The following OSBPL10 variants were observed in gnomAD, a reference collection of about 807,000 sequenced individuals.
OSBPL10 encodes oxysterol binding protein like 10.
In OSBPL10, 49 loss-of-function variants were observed where a neutral mutation model predicts 81.7. That is an observed-to-expected ratio of 0.60 (90% confidence interval 0.48 to 0.76). OSBPL10 has a LOEUF of 0.76. Among genes scored for constraint, OSBPL10 ranks in the 30% least tolerant of loss-of-function variants. The pLI is 0.00. For missense variants in OSBPL10, 923 were observed against 987.8 expected, an observed-to-expected ratio of 0.93 and a Z score of 0.88; for synonymous variants, 419 against 383.6, an observed-to-expected ratio of 1.09 and a Z score of -1.08.
At chr3:31,800,744 T>C (rs541341318) in intron 4 of OSBPL10, among the ~76,000 whole-genome samples, 1 of 151,464 alleles carries the variant, frequency 6.6e-6, no homozygotes, top group South Asian at 2.1e-4. Context: ...TTATGGTACA[T>C]ACTTAAATTT....
intron 4 of OSBPL10, among the ~76,000 whole-genome samples, chr3:31,823,591 G>A (rs1700030677): frequency 6.6e-6 from 1 of 152,064 alleles, no homozygotes; most frequent in Non-Finnish European, 1.5e-5. Flanking sequence ...CAGGCAAGGA[G>A]CAATAAATAA....
intron 1 of OSBPL10, among the ~76,000 whole-genome samples, chr3:31,965,450 AATAT>A (rs1698304379): frequency 1.4e-5 from 1 of 72,164 alleles, no homozygotes; most frequent in Non-Finnish European, 2.1e-5. Context: ...TATATTATAT[AATAT>A]ATAATTTATA....
At chr3:31,679,255 C>T (rs1700574695) in intron 8 of OSBPL10, among the ~76,000 whole-genome samples, 1 of 152,190 alleles carries the variant, frequency 6.6e-6, no homozygotes, top group Non-Finnish European at 1.5e-5. Context: ...ATTGCAACCT[C>T]CCTGCCCCAG....
intron 1 of OSBPL10, among the ~76,000 whole-genome samples, chr3:31,942,640 T>C (rs1697572763): frequency 6.6e-6 from 1 of 151,804 alleles, no homozygotes; most frequent in South Asian, 2.1e-4. Flanking sequence ...CATCTGAGCC[T>C]GGCATCTGAA....
chr3:31,874,984 C>T (rs1339722792), intron 3 of OSBPL10, among the ~76,000 whole-genome samples: 1 of 150,408 alleles, frequency 6.6e-6, no homozygotes, highest in African/African-American at 2.4e-5. Context: ...TTAAATAAAG[C>T]ACTGACATCC....
intron 3 of OSBPL10, among the ~76,000 whole-genome samples, chr3:31,851,119 G>C (rs921828196): frequency 6.6e-6 from 1 of 152,112 alleles, no homozygotes; most frequent in Non-Finnish European, 1.5e-5. Flanking sequence ...AAATGCCAAG[G>C]AACGCTCTAG....
chr3:31,733,305 A>C lies in OSBPL10; in HGVS notation c.1047T>G (p.Ile349Met). The stretch of plus-strand genomic sequence containing the variant: ...GTTCGTCTTCAGCAGAGTTTGGTAA[A>C]ATTGCCCAGGTTATGTTGGCACTGG... The part of the protein sequence containing the change: ...PSASANITWA[I>M]LPNSAEDEQT... Residue 349 changes from isoleucine (I) to methionine (M), a missense_variant, in exon 6 of 12, where the codon ATT becomes ATG. This residue lies in a region of OSBPL10 where 514 missense variants were observed against 508.0 expected (regional missense o/e 1.01). Coordinates refer to ENST00000396556, the MANE Select transcript of OSBPL10 (RefSeq NM_017784.5). The C allele has an allele frequency of 6.2e-7, 1 of 1,613,062 alleles. No individual in the cohort carries two copies. The highest frequency in any genetic ancestry group is 8.5e-7 in the Non-Finnish European group (1 of 1,179,818).
At chr3:31,898,141 T>C (rs28620577) in intron 1 of OSBPL10, among the ~76,000 whole-genome samples, 19,969 of 150,896 alleles carry the variant, frequency 0.13, 2,009 homozygotes, top group African/African-American at 0.27. Flanking sequence ...GTGTAGGAAA[T>C]ATAGATACAT....
chr3:32,032,235 AT>A (rs1347814794), intron 2 of OSBPL10, among the ~76,000 whole-genome samples: 1 of 152,140 alleles, frequency 6.6e-6, no homozygotes, highest in Non-Finnish European at 1.5e-5. Context: ...CCTGGCCAAC[AT>A]GGCAAAACCC....
rs143958457 is a variant in OSBPL10, at chr3:31,698,507, T to C, written c.1245+3852A>G. 4.2e-4 allele frequency among the ~76,000 whole-genome samples: 64 copies of C among 151,970 alleles called. 4 individuals are homozygous for C. The South Asian group carries it at 0.013, about 31-fold the overall frequency. ...CAAGTAAGGCCACATATTCCCTTGCTCAAAACCCTCCAATGGCCACCATAT... is the reference window on the plus strand; with the variant it reads ...CAAGTAAGGCCACATATTCCCTTGCCCAAAACCCTCCAATGGCCACCATAT... On this transcript the variant is annotated intron_variant, in intron 7 of 11. Transcript: ENST00000396556.
chr3:31,819,021 G>A lies in OSBPL10; in HGVS notation c.729+11019C>T, dbSNP rs957892181. Among the ~76,000 whole-genome samples, 7 of 152,178 alleles carry A rather than the reference G, an allele frequency of 4.6e-5. 1 individual carries two copies. Among genetic ancestry groups the A allele is most frequent in the South Asian group, 4.1e-4 (2 of 4,834 alleles). ...GACTCCCACATTCTACCAAGAGCAC[G>A]GTTGCTAAGATTGCCACTTTCAGGG... is the stretch of plus-strand genomic sequence containing the variant. On this transcript the variant is annotated intron_variant, in intron 4 of 11. Coordinates refer to ENST00000396556, the MANE Select transcript of OSBPL10 (RefSeq NM_017784.5).
intron 1 of OSBPL10, among the ~76,000 whole-genome samples, chr3:31,930,002 C>CAAAA (rs1559521974): frequency 1.9e-5 from 2 of 106,840 alleles, no homozygotes; most frequent in East Asian, 2.5e-4. Flanking sequence ...CTGTCACCAA[C>CAAAA]CAAAAAAAAA....
intron 1 of OSBPL10, among the ~76,000 whole-genome samples, chr3:31,968,772 T>C (rs2125485346): frequency 6.6e-6 from 1 of 152,270 alleles, no homozygotes; most frequent in African/African-American, 2.4e-5. Context: ...AAATTCCAAA[T>C]TAACTAAACA....
intron 10 of OSBPL10, 91 bp downstream of exon 10, chr3:31,668,551 G>T (rs536943213): frequency 8.1e-7 from 1 of 1,229,318 alleles, no homozygotes; most frequent in East Asian, 2.4e-5. Context: ...GTTTCCAGTC[G>T]CTAAGTTTCA....
chr3:31,664,810 A>G (rs1700151257), intron 10 of OSBPL10, among the ~76,000 whole-genome samples: 2 of 152,110 alleles, frequency 1.3e-5, no homozygotes, highest in African/African-American at 4.8e-5. Flanking sequence ...GTGCATGCTT[A>G]TAGTGCGGGA....
intron 1 of OSBPL10, among the ~76,000 whole-genome samples, chr3:31,951,783 CT>C (rs1283572823): frequency 3.3e-5 from 5 of 151,648 alleles, no homozygotes; most frequent in Non-Finnish European, 7.4e-5. Flanking sequence ...GATGAAGAAA[CT>C]GAGAGTTAAA....
At chr3:31,931,122 C>T (rs1697236565) in intron 1 of OSBPL10, among the ~76,000 whole-genome samples, 1 of 148,640 alleles carries the variant, frequency 6.7e-6, no homozygotes, top group Non-Finnish European at 1.5e-5. Context: ...AAACCAATAA[C>T]ACTGGTGATT....
At position 31,713,685 on chromosome 3, in the gene OSBPL10, C is replaced by A. The variant is rs183514282; in HGVS notation, c.1096-11177G>T. Reference sequence around the variant, plus strand: ...GTGCTGGGATTACAGGCATGAGCCACCGCACCCAGCCTCACTCAGATCTTA... The same window carrying A: ...GTGCTGGGATTACAGGCATGAGCCAACGCACCCAGCCTCACTCAGATCTTA... On this transcript the variant is annotated intron_variant, in intron 6 of 11. Coordinates refer to ENST00000396556, the MANE Select transcript of OSBPL10 (RefSeq NM_017784.5). 2.0e-3 allele frequency among the ~76,000 whole-genome samples: 301 copies of A among 152,296 alleles called. 2 individuals carry two copies. The highest frequency in any genetic ancestry group is 0.014 in the East Asian group (72 of 5,170).
chr3:31,857,906 G>C (rs924112581), intron 3 of OSBPL10, among the ~76,000 whole-genome samples: 2 of 150,350 alleles, frequency 1.3e-5, no homozygotes, highest in Admixed American at 6.6e-5. Flanking sequence ...AAGAGAGAGA[G>C]AGATACAGAA....
Sources: allele counts gnomAD v4.1 joint callset (sites outside exome capture counted in the v4.1 genomes callset), GRCh38; gene constraint gnomAD v4.1.1; regional missense constraint gnomAD v4.1.1; transcripts MANE v1.5; gene names NCBI Gene and HGNC (gene_info 2026-07-23, HGNC 2026-07-21).